Variants in ZNF3 observed in about 807,000 individuals in gnomAD.
ZNF3 encodes the protein C2-H2 type zinc finger protein.
In ZNF3, 16 loss-of-function variants were observed where a neutral mutation model predicts 36.9. The ratio of observed to expected loss-of-function variants is 0.43; its 90% confidence interval spans 0.29 to 0.66. The LOEUF is 0.66. ZNF3 is among the 30% of genes least tolerant of loss of function. ZNF3 has a pLI of 0.13. For missense variants in ZNF3, 462 were observed against 543.1 expected (o/e 0.85, Z 1.48); for synonymous variants, 201 against 201.9 (o/e 1.00, Z 0.04).
intron 4 of ZNF3, 101 bp from the exon 5 acceptor site, chr7:100,075,362 G>GGGAGGAAGGGAGGACAGGGT (rs1793912260): frequency 3.8e-6 from 6 of 1,591,588 alleles, no homozygotes; most frequent in Non-Finnish European, 5.2e-6. Context: ...CATTTGGGAA[G>GGGAGGAAGGGAGGACAGGGT]GGAGGAAGGG....
At chr7:100,069,871 C>T, downstream of ZNF3, 1 of 920,148 alleles carries the variant, frequency 1.1e-6, no homozygotes, top group Non-Finnish European at 1.3e-6. Context: ...CCTTGGCCTC[C>T]CAGAGTGCTG....
Position 100,072,070 on chromosome 7 carries a change from C to T in ZNF3, c.414G>A (p.Arg138=). The change falls in exon 6 of 6, where the codon AGG becomes AGA. Residue 138 remains arginine (R), a synonymous_variant. Transcript: ENST00000299667. ...TTTCTCCAGGGGAGTTCCCCAGCGG[C>T]CTTTTCAGACTGACTTCTCGTTCAT... is the stretch of plus-strand genomic sequence containing the variant. ...EAYEREVSLK[R]PLGNSPGERL... The T allele has an allele frequency of 2.5e-6, 4 of 1,614,230 alleles. No homozygotes were observed. The highest frequency in any genetic ancestry group is 8.5e-7 in the Non-Finnish European group (1 of 1,180,052).
Position 100,070,902 on chromosome 7 carries a change from C to T in ZNF3, c.*241G>A. 3.8e-6 allele frequency: 5 copies of T among 1,306,926 alleles called. No individual in the cohort carries two copies. The highest frequency in any genetic ancestry group is 4.9e-6 in the Non-Finnish European group (5 of 1,030,568). The allele number at this position is 1,306,926 out of a possible 1,614,324, so 81.0% of individuals were successfully genotyped here. A position where few individuals can be genotyped will look rare whatever the true frequency, so the allele number is the denominator to read the frequency against. On this transcript the variant is annotated 3_prime_UTR_variant, in exon 6 of 6. Coordinates refer to ENST00000299667, the MANE Select transcript of ZNF3 (RefSeq NM_032924.5). ...AAAACAGTTTAGTGCAAACTCCTTT[C>T]CTAAATGGGGTAACTGGTCCCAGAG...
intron 3 of ZNF3, 62 bp from the exon 4 acceptor site, chr7:100,075,692 G>T: frequency 1.3e-6 from 2 of 1,544,162 alleles, no homozygotes; most frequent in South Asian, 1.1e-5. Flanking sequence ...CCAACCTGCT[G>T]ACTTCCCAAC....
In ZNF3 at chr7:100,071,584, G is replaced by C. The variant is rs1197115174; in HGVS notation, c.900C>G (p.Thr300=). 6.2e-7 allele frequency: 1 copy of C among 1,611,242 alleles called. No homozygotes were observed. Among genetic ancestry groups the C allele is most frequent in the Non-Finnish European group, 8.5e-7 (1 of 1,179,364 alleles). The part of the protein sequence containing the change: ...GKTFSWSSTL[T]HHQRIHTGEK... ...CACCAGTGTGGATTCTCTGATGGTG[G>C]GTGAGGGTGGAGCTCCAGCTGAAGG... The change falls in exon 6 of 6, where the codon ACC becomes ACG. Residue 300 remains threonine, a synonymous_variant. Transcript: ENST00000299667.
intron 3 of ZNF3, 65 bp downstream of exon 3, chr7:100,077,238 G>A: frequency 3.8e-6 from 6 of 1,599,962 alleles, no homozygotes; most frequent in Non-Finnish European, 5.1e-6. Flanking sequence ...CCTGGTAAGT[G>A]AGCGATTTCA....
At chr7:100,082,013 C>T (rs987812998), upstream of ZNF3, among the ~76,000 whole-genome samples, 2 of 152,154 alleles carry the variant, frequency 1.3e-5, no homozygotes, top group Admixed American at 1.3e-4. Flanking sequence ...CCAGCGTCGC[C>T]GGCCTTGGGG....
At chr7:100,068,179 T>C (rs1274014285), downstream of ZNF3, among the ~76,000 whole-genome samples, 6 of 152,054 alleles carry the variant, frequency 3.9e-5, no homozygotes. Flanking sequence ...CTCTGCCTCC[T>C]GGGTTCAAGT....
At position 100,072,301 on chromosome 7, in the gene ZNF3, C is replaced by T. The variant is rs556402163; in HGVS notation, c.272-89G>A. 3.3e-5 allele frequency: 41 copies of T among 1,241,358 alleles called. No homozygotes were observed. The East Asian group carries it at 8.0e-4, about 24-fold the overall frequency. The allele number at this position is 1,241,358 out of a possible 1,614,324, so 76.9% of individuals were successfully genotyped here. On this transcript the variant is annotated intron_variant, in intron 5 of 5. Coordinates refer to ENST00000299667, the MANE Select transcript of ZNF3 (RefSeq NM_032924.5). ...ACAGGATCATTGTAACGAATACTTA[C>T]AGTGCCAAAAGCACATGCCTACAAA... is the stretch of plus-strand genomic sequence containing the variant.
At position 100,064,754 on chromosome 7, in the gene ZNF3, C is replaced by A. The variant is rs535406369; in HGVS notation, c.*34G>T. ...AACATCAGGGGATGCCTGAGGAGTGCGAGCTCCACAGCAACATGGCAGGCA... is the reference window on the plus strand; with the variant it reads ...AACATCAGGGGATGCCTGAGGAGTGAGAGCTCCACAGCAACATGGCAGGCA... On this transcript the variant is annotated 3_prime_UTR_variant, in exon 6 of 6. Coordinates refer to the ZNF3 transcript ENST00000413658. The A allele has an allele frequency of 6.2e-6, 10 of 1,613,802 alleles. No individual in the cohort carries two copies. In the Admixed American group the frequency reaches 1.7e-4, roughly 27 times the overall value.
chr7:100,070,473 C>T lies in ZNF3; in HGVS notation c.*670G>A, dbSNP rs1294179034. 5.1e-6 allele frequency: 5 copies of T among 985,494 alleles called. No homozygotes were observed. The highest frequency in any genetic ancestry group is 6.0e-6 in the Non-Finnish European group (5 of 830,144). 61.0% of individuals were successfully genotyped at this position (985,494 alleles called of 1,614,324 possible). A position where few individuals can be genotyped will look rare whatever the true frequency, so the allele number is the denominator to read the frequency against. ...TTTGGACAGATTTGCCCATTCAGCC[C>T]CAGGACAACTGGGGGGGATGGCAGG... On this transcript the variant is annotated 3_prime_UTR_variant, in exon 6 of 6. Coordinates refer to ENST00000299667, the MANE Select transcript of ZNF3 (RefSeq NM_032924.5).
chr7:100,077,351 T>C lies in ZNF3; in HGVS notation c.7A>G (p.Thr3Ala). Residue 3 changes from threonine to alanine, a missense_variant, in exon 3 of 6, where the codon ACT (threonine) becomes GCT (alanine). Coordinates refer to ENST00000299667, the MANE Select transcript of ZNF3 (RefSeq NM_032924.5). Reference sequence around the variant, plus strand: ...TCCTGAGATACGAGATCAGCCTGAGTTTCCATGGAAGGGCAAGGTGCTCTC... The same window carrying C: ...TCCTGAGATACGAGATCAGCCTGAGCTTCCATGGAAGGGCAAGGTGCTCTC... The part of the protein sequence containing the change: ME[T>A]QADLVSQEPQ... The C allele has an allele frequency of 6.2e-7, 1 of 1,611,136 alleles. No homozygotes were observed.
downstream of ZNF3, chr7:100,063,915 G>A: frequency 6.2e-7 from 1 of 1,614,168 alleles, no homozygotes; most frequent in Non-Finnish European, 8.5e-7. Context: ...TAGAGAGGCA[G>A]TGCGTAAACC....
downstream of ZNF3, among the ~76,000 whole-genome samples, chr7:100,066,028 T>C (rs184381116): frequency 8.2e-4 from 124 of 151,590 alleles, 1 homozygote; most frequent in African/African-American, 2.9e-3. Flanking sequence ...TGCATAATAC[T>C]CGTGGTACAG....
chr7:100,076,630 T>G (rs1162621041), intron 3 of ZNF3, among the ~76,000 whole-genome samples: 1 of 152,138 alleles, frequency 6.6e-6, no homozygotes, highest in Non-Finnish European at 1.5e-5. Context: ...CACTCTGTCT[T>G]TTTGTCTATG....
downstream of ZNF3, chr7:100,063,968 G>A (rs1261103285): frequency 1.2e-6 from 2 of 1,614,140 alleles, no homozygotes; most frequent in Admixed American, 1.7e-5. Flanking sequence ...CAAGAGGCAG[G>A]CTCCAAGAAA....
downstream of ZNF3, chr7:100,063,911 G>A: frequency 1.2e-6 from 2 of 1,614,164 alleles, no homozygotes; most frequent in Non-Finnish European, 1.7e-6. Context: ...AGCTTAGAGA[G>A]GCAGTGCGTA....
intron 5 of ZNF3, among the ~76,000 whole-genome samples, chr7:100,073,765 A>G (rs1199422802): frequency 6.6e-6 from 1 of 152,194 alleles, no homozygotes; most frequent in Non-Finnish European, 1.5e-5. Context: ...AGGAGAGGAC[A>G]GAGACGTGGG....
Position 100,070,056 on chromosome 7 carries a change from ATCCC to A in ZNF3, c.*1083_*1086del. 1.0e-6 allele frequency: 1 copy of A among 985,896 alleles called. No homozygotes were observed. Among genetic ancestry groups the A allele is most frequent in the Non-Finnish European group, 1.2e-6 (1 of 829,938 alleles). 61.1% of individuals were successfully genotyped at this position (985,896 alleles called of 1,614,324 possible). A position where few individuals can be genotyped will look rare whatever the true frequency, so the allele number is the denominator to read the frequency against. ...GGTTGGGAAAACACAATGGAAGGTC[ATCCC>A]GTCGGTTGGGAAAACTCGGGGAGTG... On this transcript the variant is annotated 3_prime_UTR_variant, in exon 6 of 6. Transcript: ENST00000299667.
Sources: gnomAD v4.1 joint callset for allele counts (sites outside exome capture counted in the v4.1 genomes callset) on GRCh38, gnomAD v4.1.1 for gene constraint, MANE v1.5 for transcripts, NCBI Gene and HGNC (gene_info 2026-07-23, HGNC 2026-07-21) for gene names.